OSTF1: variants seen among roughly 807,000 people sequenced by gnomAD.
The protein encoded by OSTF1 is osteoclast stimulating factor 1, also known as osteoclast-stimulating factor 1.
In OSTF1, 27 loss-of-function variants were observed where a neutral mutation model predicts 37.2. The ratio of observed to expected loss-of-function variants is 0.73; its 90% CI spans 0.54 to 1.00. The LOEUF is 1.00. Among genes scored for constraint, OSTF1 ranks in the 50% least tolerant of loss-of-function variants. The probability of loss-of-function intolerance (pLI) is 0.00; values close to 1 mark genes in which losing one functional copy is unlikely to be tolerated. For synonymous variants in OSTF1, 82 were observed against 89.2 expected, an observed-to-expected ratio of 0.92 and a Z score of 0.46; for missense variants, 232 against 253.8, an observed-to-expected ratio of 0.91 and a Z score of 0.58.
At chr9:75,135,876 C>T (rs1399131619) in intron 7 of OSTF1, among the ~76,000 whole-genome samples, 2 of 152,194 alleles carry the variant, frequency 1.3e-5, no homozygotes, top group South Asian at 2.1e-4. Flanking sequence ...TTTTAGAGGC[C>T]ACCCCTCTCT....
chr9:75,094,373 T>G (rs1161732227), intron 1 of OSTF1, among the ~76,000 whole-genome samples: 6 of 142,984 alleles, frequency 4.2e-5, no homozygotes, highest in Non-Finnish European at 7.7e-5. Context: ...AAAAGGTGGG[T>G]TTTTTTTTTT....
chr9:75,102,252 A>G (rs555192628), intron 1 of OSTF1, among the ~76,000 whole-genome samples: 2 of 152,278 alleles, frequency 1.3e-5, no homozygotes, highest in South Asian at 2.1e-4. Flanking sequence ...TGGGATTACA[A>G]GTGTGATCTA....
At chr9:75,090,179 C>A (rs1273929017) in intron 1 of OSTF1, among the ~76,000 whole-genome samples, 1 of 152,070 alleles carries the variant, frequency 6.6e-6, no homozygotes, top group Non-Finnish European at 1.5e-5. Context: ...TTTTATTTAT[C>A]TTATTTTTTT....
At chr9:75,146,286 G>A (rs1826023192) in intron 9 of OSTF1, among the ~76,000 whole-genome samples, 1 of 152,156 alleles carries the variant, frequency 6.6e-6, no homozygotes, top group African/African-American at 2.4e-5. Flanking sequence ...TTCCCCTTCG[G>A]TAGTTAACGT....
Position 75,088,578 on chromosome 9 carries a change from G to A in OSTF1, c.-115G>A. 1.7e-6 allele frequency: 2 copies of A among 1,144,354 alleles called. No homozygotes were observed. Among genetic ancestry groups the A allele is most frequent in the South Asian group, 1.3e-5 (1 of 75,936 alleles). 70.9% of individuals were successfully genotyped at this position (1,144,354 alleles called of 1,614,324 possible). Reference sequence around the variant, plus strand: ...AGCCAAGGGTGGGCGCCGGTCCTAGGAGGCGCACGGTTGTAAGCCAGACAA... The same window carrying A: ...AGCCAAGGGTGGGCGCCGGTCCTAGAAGGCGCACGGTTGTAAGCCAGACAA... On this transcript the variant is annotated 5_prime_UTR_variant, in exon 1 of 10. Coordinates refer to ENST00000346234, the MANE Select transcript of OSTF1 (RefSeq NM_012383.5).
chr9:75,099,092 A>G (rs1825141015), intron 1 of OSTF1, among the ~76,000 whole-genome samples: 1 of 152,102 alleles, frequency 6.6e-6, no homozygotes, highest in Admixed American at 6.5e-5. Context: ...ATGCACCACC[A>G]TGCCCAGCTA....
At chr9:75,103,077 G>A (rs12380817) in intron 1 of OSTF1, among the ~76,000 whole-genome samples, 44,676 of 152,038 alleles carry the variant, frequency 0.29, 6,979 homozygotes, top group African/African-American at 0.4. Context: ...GCTTGAGACC[G>A]GGTGTTTAAG....
chr9:75,099,647 G>T (rs979166470), intron 1 of OSTF1, among the ~76,000 whole-genome samples: 13 of 152,234 alleles, frequency 8.5e-5, no homozygotes, highest in Non-Finnish European at 1.5e-4. Context: ...GGCCAACATA[G>T]TGAAACCCCG....
At position 75,088,556 on chromosome 9, in the gene OSTF1, C is replaced by T. The variant is rs970717570; in HGVS notation, c.-137C>T. ...TGCCTGCGTCCGCTCTTCCCGCAGC[C>T]AAGGGTGGGCGCCGGTCCTAGGAGG... On this transcript the variant is annotated 5_prime_UTR_variant, in exon 1 of 10. Coordinates refer to ENST00000346234, the MANE Select transcript of OSTF1 (RefSeq NM_012383.5). 1.8e-5 allele frequency: 17 copies of T among 919,628 alleles called. No homozygotes were observed. In the Admixed American group the frequency reaches 3.6e-4, roughly 20 times the overall value. The allele number at this position is 919,628 out of a possible 1,614,324, so 57.0% of individuals were successfully genotyped here.
chr9:75,107,574 A>T (rs1825310700), intron 1 of OSTF1, among the ~76,000 whole-genome samples: 1 of 152,226 alleles, frequency 6.6e-6, no homozygotes, highest in South Asian at 2.1e-4. Context: ...AAGTAGGAAA[A>T]TATTCTTTAT....
In OSTF1 at chr9:75,130,698, T is replaced by C. The variant is rs1825749097; in HGVS notation, c.196+57T>C. 4 of 1,107,696 alleles carry C rather than the reference T, an allele frequency of 3.6e-6. No individual in the cohort carries two copies. The East Asian group carries it at 7.1e-5, about 20-fold the overall frequency. 68.6% of individuals were successfully genotyped at this position (1,107,696 alleles called of 1,614,324 possible). Reference sequence around the variant, plus strand: ...TCGTTCACTTGGAATTTTTTGGTTCTTGATGCTTTTCTGCTTGCTACTGTG... The same window carrying C: ...TCGTTCACTTGGAATTTTTTGGTTCCTGATGCTTTTCTGCTTGCTACTGTG... On this transcript the variant is annotated intron_variant, in intron 4 of 9. Coordinates refer to ENST00000346234, the MANE Select transcript of OSTF1 (RefSeq NM_012383.5).
At chr9:75,125,518 G>A (rs1018657844) in intron 2 of OSTF1, among the ~76,000 whole-genome samples, 2 of 152,118 alleles carry the variant, frequency 1.3e-5, no homozygotes, top group Non-Finnish European at 2.9e-5. Context: ...GTATTACAAG[G>A]TCTAGTACAT....
rs1825512464 is a variant in OSTF1 at position 75,117,570 on chromosome 9, C to G, written c.81+20C>G. 6.4e-7 allele frequency: 1 copy of G among 1,563,430 alleles called. No individual in the cohort carries two copies. The highest frequency in any genetic ancestry group is 1.4e-5 in the African/African-American group (1 of 73,856). ...AGAACTGTAAGTGTTCAGTTTTTAA[C>G]TTCTAAAATTGACAGAAAAACCTAA... On this transcript the variant is annotated intron_variant, in intron 2 of 9. Coordinates refer to ENST00000346234, the MANE Select transcript of OSTF1 (RefSeq NM_012383.5).
rs555093358 is a variant in OSTF1, at chr9:75,129,186, C to T, written c.133-1392C>T. Reference sequence around the variant, plus strand: ...GCAACAACTTCCAAGAATTGAAACCCATTAAATACATTTAAATTTATGAGT... The same window carrying T: ...GCAACAACTTCCAAGAATTGAAACCTATTAAATACATTTAAATTTATGAGT... On this transcript the variant is annotated intron_variant, in intron 3 of 9. Transcript: ENST00000346234. Among the ~76,000 whole-genome samples, 7 of 152,272 alleles carry T rather than the reference C, an allele frequency of 4.6e-5. No individual in the cohort carries two copies. In the South Asian group the frequency reaches 1.5e-3, roughly 32 times the overall value.
At chr9:75,096,534 C>T (rs948509346) in intron 1 of OSTF1, among the ~76,000 whole-genome samples, 1 of 152,132 alleles carries the variant, frequency 6.6e-6, no homozygotes, top group African/African-American at 2.4e-5. Flanking sequence ...GCTAGAGGGA[C>T]TGTCTCAGGC....
intron 2 of OSTF1, among the ~76,000 whole-genome samples, chr9:75,124,153 G>A (rs1825625550): frequency 6.6e-6 from 1 of 152,054 alleles, no homozygotes; most frequent in South Asian, 2.1e-4. Context: ...ATTCCTGTGA[G>A]TACATAGTAG....
intron 3 of OSTF1, among the ~76,000 whole-genome samples, chr9:75,129,001 C>T (rs1564165576): frequency 6.6e-6 from 1 of 151,766 alleles, no homozygotes; most frequent in Non-Finnish European, 1.5e-5. Flanking sequence ...TGGCTGGTAC[C>T]AAGTCAGGGG....
rs1297005811 is a variant in OSTF1 at position 75,130,617 on chromosome 9, A to G, written c.172A>G (p.Thr58Ala). ...GTGGAAAGGCACCTCCAAAGGCAGG[A>G]CTGGACTAATTCCAAGCAACTATGG... ...NWWKGTSKGR[T>A]GLIPSNYVAE... The change falls in exon 4 of 10, where the codon ACT (threonine) becomes GCT (alanine). Residue 58 changes from threonine to alanine, a missense_variant. Transcript: ENST00000346234. The G allele has an allele frequency of 2.5e-6, 4 of 1,611,906 alleles. No homozygotes were observed. In the African/African-American group the frequency reaches 4.0e-5, roughly 16 times the overall value.
At chr9:75,103,737 G>GATTC (rs1825235934) in intron 1 of OSTF1, among the ~76,000 whole-genome samples, 1 of 152,148 alleles carries the variant, frequency 6.6e-6, no homozygotes, top group Non-Finnish European at 1.5e-5. Context: ...GGGTTCAAGA[G>GATTC]ATTCTGTCAC....
Sources: allele counts gnomAD v4.1 joint callset (sites outside exome capture counted in the v4.1 genomes callset), GRCh38; gene constraint gnomAD v4.1.1; transcripts MANE v1.5; gene names NCBI Gene and HGNC (gene_info 2026-07-23, HGNC 2026-07-21).